The following EDA variants were observed in gnomAD, a reference collection of about 807,000 sequenced individuals.
The protein encoded by EDA is ectodysplasin-A.
A neutral mutation model predicts 23.6 loss-of-function variants in EDA; 2 were observed. The ratio of observed to expected loss-of-function variants is 0.08; its 90% CI spans 0.03 to 0.27. The LOEUF is 0.27. Ranked by LOEUF, EDA falls within the 10% of genes least tolerant of loss-of-function variation. The pLI is 1.00. For synonymous variants in EDA, 131 were observed against 132.0 expected (o/e 0.99, Z 0.05); for missense variants, 229 against 324.2 (o/e 0.71, Z 2.26).
intron 1 of EDA, among the ~76,000 whole-genome samples, chrX:69,660,853 A>T (rs184827182): frequency 1.8e-5 from 2 of 111,629 alleles, no homozygotes; most frequent in Non-Finnish European, 3.8e-5. Flanking sequence ...TTGGGTATAT[A>T]CCTATCCAGT....
chrX:69,902,716 C>G (rs2018115903), intron 1 of EDA, among the ~76,000 whole-genome samples: 2 of 111,666 alleles, frequency 1.8e-5, no homozygotes, highest in Non-Finnish European at 3.8e-5. Flanking sequence ...TTATTTTACT[C>G]TGAAGGAATG....
intron 1 of EDA, among the ~76,000 whole-genome samples, chrX:69,763,360 A>T (rs2014368983): frequency 9.0e-6 from 1 of 111,723 alleles, no homozygotes; most frequent in Non-Finnish European, 1.9e-5. Flanking sequence ...ACAGGAACAT[A>T]CATTTGGTGG....
Position 69,620,110 on chromosome X carries a change from G to T in EDA, c.396+3406G>T, listed in dbSNP as rs1045712540. On this transcript the variant is annotated intron_variant, in intron 1 of 7. Coordinates refer to ENST00000374552, the MANE Select transcript of EDA (RefSeq NM_001399.5). The stretch of plus-strand genomic sequence containing the variant: ...TCAAAGTCTACCAAACCATGAGCGA[G>T]ATGAATATGATTAATATATTGGTGT... 7.1e-5 allele frequency among the ~76,000 whole-genome samples: 8 copies of T among 111,999 alleles called. No homozygotes were observed. In the Admixed American group the frequency reaches 7.6e-4, roughly 11 times the overall value.
chrX:69,987,314 AAAT>A (rs1379247853), intron 2 of EDA, among the ~76,000 whole-genome samples: 2 of 107,590 alleles, frequency 1.9e-5, no homozygotes, highest in Non-Finnish European at 3.8e-5. Context: ...TTTTTTTTAA[AAAT>A]AAATAAATAA....
rs180754361 is a variant in EDA, at chrX:69,926,930, T to C, written c.397-30097T>C. On this transcript the variant is annotated intron_variant, in intron 1 of 7. Coordinates refer to ENST00000374552, the MANE Select transcript of EDA (RefSeq NM_001399.5). ...TAATACCCTTCTTTGTCTTTTTTGA[T>C]CTTTGTTTTTTTAAAGTCTGTTTTG... Among the ~76,000 whole-genome samples the C allele has an allele frequency of 3.7e-3, 408 of 111,703 alleles. 1 individual carries two copies. Among genetic ancestry groups the C allele is most frequent in the African/African-American group, 0.013 (391 of 30,752 alleles).
chrX:69,951,190 AAAAT>A (rs1386128877), intron 1 of EDA, among the ~76,000 whole-genome samples: 2 of 111,294 alleles, frequency 1.8e-5, no homozygotes, highest in Non-Finnish European at 3.8e-5. Flanking sequence ...AAAAAAATAA[AAAAT>A]AAAAGTGGCT....
At chrX:69,895,350 C>T (rs755341077) in intron 1 of EDA, among the ~76,000 whole-genome samples, 9 of 106,236 alleles carry the variant, frequency 8.5e-5, no homozygotes, top group Non-Finnish European at 1.2e-4. Context: ...CGATGCCATC[C>T]ATCTTCCTCC....
chrX:69,845,744 CTCTT>C (rs1226460550), intron 1 of EDA, among the ~76,000 whole-genome samples: 1 of 111,727 alleles, frequency 9.0e-6, no homozygotes, highest in Non-Finnish European at 1.9e-5. Flanking sequence ...TTCCACCTTG[CTCTT>C]TCTTGGATAT....
At chrX:69,962,682 C>T (rs1345478589) in intron 2 of EDA, among the ~76,000 whole-genome samples, 6 of 111,529 alleles carry the variant, frequency 5.4e-5, no homozygotes, top group Middle Eastern at 4.2e-3. Flanking sequence ...CCTCACGCCT[C>T]GGCCTCCCAA....
intron 1 of EDA, among the ~76,000 whole-genome samples, chrX:69,725,059 G>A (rs1365604083): frequency 1.8e-5 from 2 of 111,894 alleles, no homozygotes; most frequent in Non-Finnish European, 3.8e-5. Context: ...TTATAATGCT[G>A]CCTTTCAGTT....
At chrX:70,001,752 C>T (rs757930397) in intron 2 of EDA, among the ~76,000 whole-genome samples, 9 of 112,435 alleles carry the variant, frequency 8.0e-5, no homozygotes, top group Non-Finnish European at 1.7e-4. Flanking sequence ...CTTAGCACTT[C>T]ATACTTTCCA....
rs1377187833 is a variant in EDA, at chrX:70,038,061, C to T, written c.*2452C>T. 9.0e-6 allele frequency: 1 copy of T among 111,420 alleles called. No individual in the cohort carries two copies. The highest frequency in any genetic ancestry group is 1.9e-5 in the Non-Finnish European group (1 of 53,110). 9.2% of individuals were successfully genotyped at this position (111,420 alleles called of 1,213,427 possible). ...AGTGTGACTCCTTATCTCTTTCCAC[C>T]ATACCTTAGAGACTTTGATACTACC... On this transcript the variant is annotated 3_prime_UTR_variant, in exon 8 of 8. Coordinates refer to ENST00000374552, the MANE Select transcript of EDA (RefSeq NM_001399.5).
At chrX:69,761,942 C>T (rs2014321065) in intron 1 of EDA, among the ~76,000 whole-genome samples, 1 of 111,051 alleles carries the variant, frequency 9.0e-6, no homozygotes, top group Non-Finnish European at 1.9e-5. Flanking sequence ...CTTATGAGAA[C>T]TCTAACCCTT....
At chrX:69,879,424 T>G (rs1482665836) in intron 1 of EDA, among the ~76,000 whole-genome samples, 1 of 111,482 alleles carries the variant, frequency 9.0e-6, no homozygotes, top group East Asian at 2.8e-4. Context: ...CAGGGCCAAG[T>G]GGCTGTAAGA....
At chrX:69,807,323 G>A (rs1201695146) in intron 1 of EDA, among the ~76,000 whole-genome samples, 3 of 104,780 alleles carry the variant, frequency 2.9e-5, no homozygotes, top group African/African-American at 1.0e-4. Context: ...CTGGGTAAGA[G>A]CTATTGCTGG....
At chrX:69,883,373 C>T (rs2017779619) in intron 1 of EDA, among the ~76,000 whole-genome samples, 1 of 112,172 alleles carries the variant, frequency 8.9e-6, no homozygotes, top group South Asian at 3.7e-4. Context: ...TAGTACCATA[C>T]AGCCAAATTG....
chrX:69,910,374 AGTGTGTGTGTGTGTGT>A lies in EDA; in HGVS notation c.397-46616_397-46601del, dbSNP rs4007733. ...AGGAGAGAGAGAGAGAGAGAGAGAGAGTGTGTGTGTGTGTGTGTGTGTGTGTGTGTGTGTGTGTGTG... is the reference window on the plus strand; with the variant it reads ...AGGAGAGAGAGAGAGAGAGAGAGAGAGTGTGTGTGTGTGTGTGTGTGTGTG... On this transcript the variant is annotated intron_variant, in intron 1 of 7. Coordinates refer to ENST00000374552, the MANE Select transcript of EDA (RefSeq NM_001399.5). 4.4e-3 allele frequency among the ~76,000 whole-genome samples: 183 copies of A among 41,732 alleles called. 1 individual carries two copies. The highest frequency in any genetic ancestry group is 6.0e-3 in the South Asian group (4 of 671). The allele number at this position is 41,732 out of a possible 115,157, so 36.2% of individuals were successfully genotyped here.
chrX:69,858,258 T>G (rs2017301876), intron 1 of EDA, among the ~76,000 whole-genome samples: 1 of 111,756 alleles, frequency 8.9e-6, no homozygotes. Context: ...CCAGGACTTC[T>G]AATACTATGA....
At chrX:69,682,964 A>G (rs568901052) in intron 1 of EDA, among the ~76,000 whole-genome samples, 38 of 111,735 alleles carry the variant, frequency 3.4e-4, no homozygotes, top group African/African-American at 1.1e-3. Context: ...ATGGTTAAGA[A>G]TATAAACCTC....
Sources: allele counts gnomAD v4.1 joint callset (sites outside exome capture counted in the v4.1 genomes callset), GRCh38; gene constraint gnomAD v4.1.1; transcripts MANE v1.5; gene names NCBI Gene and HGNC (gene_info 2026-07-23, HGNC 2026-07-21).